The following KCNIP1 variants were observed in gnomAD, a reference collection of about 807,000 sequenced individuals.
The protein encoded by KCNIP1 is A-type potassium channel modulatory protein KCNIP1.
A neutral mutation model predicts 33.0 loss-of-function variants in KCNIP1; 18 were observed. The ratio of observed to expected loss-of-function variants is 0.55; its 90% CI spans 0.38 to 0.81. The LOEUF is 0.81. KCNIP1 is among the 30% of genes least tolerant of loss of function. KCNIP1 has a pLI of 0.00. For missense variants in KCNIP1, 238 were observed against 271.6 expected (o/e 0.88, Z 0.87); for synonymous variants, 93 against 98.3 (o/e 0.95, Z 0.32).
At chr5:170,385,059 C>A (rs1438090703) in intron 1 of KCNIP1, among the ~76,000 whole-genome samples, 3 of 152,168 alleles carry the variant, frequency 2.0e-5, no homozygotes, top group Non-Finnish European at 2.9e-5. Flanking sequence ...CTGAGAAGGG[C>A]ATCATGTGTC....
intron 1 of KCNIP1, among the ~76,000 whole-genome samples, chr5:170,398,860 G>A (rs944085511): frequency 6.6e-6 from 1 of 152,122 alleles, no homozygotes; most frequent in Non-Finnish European, 1.5e-5. Flanking sequence ...AGCCCTCTAA[G>A]GGCCCTTAGA....
chr5:170,428,167 A>G (rs899934592), intron 1 of KCNIP1, among the ~76,000 whole-genome samples: 28 of 152,174 alleles, frequency 1.8e-4, no homozygotes, highest in African/African-American at 6.8e-4. Flanking sequence ...TTTGCTCTAC[A>G]TAAGAAAAAA....
At chr5:170,496,539 A>G (rs1420410817) in intron 1 of KCNIP1, among the ~76,000 whole-genome samples, 5 of 152,190 alleles carry the variant, frequency 3.3e-5, no homozygotes, top group Admixed American at 6.5e-5. Context: ...ATTAAGTGAG[A>G]TCAGGCATGT....
chr5:170,620,800 A>G (rs1348083054), intron 1 of KCNIP1, among the ~76,000 whole-genome samples: 1 of 152,192 alleles, frequency 6.6e-6, no homozygotes, highest in East Asian at 1.9e-4. Context: ...ATGCAAATTC[A>G]TTTGCCTTAA....
At chr5:170,385,794 G>A (rs1025888140) in intron 1 of KCNIP1, among the ~76,000 whole-genome samples, 2 of 152,038 alleles carry the variant, frequency 1.3e-5, no homozygotes, top group African/African-American at 2.4e-5. Context: ...GTTACTTTAT[G>A]TGGCAATGAC....
chr5:170,569,263 G>A (rs899742149), intron 1 of KCNIP1, among the ~76,000 whole-genome samples: 1 of 152,276 alleles, frequency 6.6e-6, no homozygotes, highest in African/African-American at 2.4e-5. Flanking sequence ...TTCTGACCCA[G>A]GTCGATGGAG....
intron 5 of KCNIP1, among the ~76,000 whole-genome samples, chr5:170,730,540 A>G (rs1764159532): frequency 1.3e-5 from 2 of 152,208 alleles, no homozygotes; most frequent in Admixed American, 1.3e-4. Flanking sequence ...GATTAAAAAA[A>G]AATATCAGAC....
rs932187960 is a variant in KCNIP1 at position 170,703,890 on chromosome 5, C to T, written c.62-14868C>T. ...AGACATCACAGAGGGAGTGAGATACCGAAAACAAAAATAAAACAAAAATAA... is the reference window on the plus strand; with the variant it reads ...AGACATCACAGAGGGAGTGAGATACTGAAAACAAAAATAAAACAAAAATAA... On this transcript the variant is annotated intron_variant, in intron 1 of 7. Transcript: ENST00000328939. 2.9e-5 allele frequency among the ~76,000 whole-genome samples: 4 copies of T among 137,226 alleles called. 1 individual carries two copies. Among genetic ancestry groups the T allele is most frequent in the African/African-American group, 1.1e-4 (4 of 37,446 alleles). The allele number at this position is 137,226 out of a possible 152,430, so 90.0% of individuals were successfully genotyped here.
At chr5:170,379,554 G>C (rs1250220816) in intron 1 of KCNIP1, among the ~76,000 whole-genome samples, 1 of 152,150 alleles carries the variant, frequency 6.6e-6, no homozygotes. Context: ...GGCAGGGCCT[G>C]TCAATAGGGA....
rs977934182 is a variant in KCNIP1, at chr5:170,509,159, C to T, written c.61+4526C>T. Among the ~76,000 whole-genome samples, 94 of 152,250 alleles carry T rather than the reference C, an allele frequency of 6.2e-4. 1 individual carries two copies. Among genetic ancestry groups the T allele is most frequent in the African/African-American group, 2.2e-3 (90 of 41,546 alleles). ...TCTGCCAGGAATGAATTCTGTTGTT[C>T]GGTCTGCTGGCTTTGAATTGACTTT... On this transcript the variant is annotated intron_variant, in intron 1 of 7. Coordinates refer to ENST00000328939, the MANE Select transcript of KCNIP1 (RefSeq NM_014592.4).
chr5:170,377,916 A>G (rs57521796), intron 1 of KCNIP1: 26,650 of 152,014 alleles, frequency 0.18, 2,648 homozygotes, highest in South Asian at 0.29. Flanking sequence ...CCTGTCTCTG[A>G]CTGGAACCCA....
At chr5:170,589,570 G>A (rs978921659) in intron 1 of KCNIP1, among the ~76,000 whole-genome samples, 1 of 152,218 alleles carries the variant, frequency 6.6e-6, no homozygotes, top group African/African-American at 2.4e-5. Flanking sequence ...ACAAAGCAAA[G>A]TGAGGGATGG....
chr5:170,369,970 G>T (rs1398242742), intron 1 of KCNIP1, among the ~76,000 whole-genome samples: 1 of 152,144 alleles, frequency 6.6e-6, no homozygotes, highest in East Asian at 1.9e-4. Context: ...GGCCTCTGTG[G>T]GTAGGACCCT....
At chr5:170,652,498 A>AAAAGGAAGG (rs33995162) in intron 1 of KCNIP1, among the ~76,000 whole-genome samples, 5,373 of 102,714 alleles carry the variant, frequency 0.052, 179 homozygotes, top group Non-Finnish European at 0.076. Context: ...AAAAAAAAAA[A>AAAAGGAAGG]AAGGAAGGAA....
chr5:170,606,602 A>G lies in KCNIP1; in HGVS notation c.61+101969A>G, dbSNP rs527602032. Among the ~76,000 whole-genome samples the G allele has an allele frequency of 2.6e-5, 4 of 152,182 alleles. No homozygotes were observed. The East Asian group carries it at 7.7e-4, about 29-fold the overall frequency. ...GGTGGCCATCTCAAATGTTTTTTCC[A>G]TCTTCCAGGGCTGTGGACTGGGCAG... On this transcript the variant is annotated intron_variant, in intron 1 of 7. Coordinates refer to ENST00000328939, the MANE Select transcript of KCNIP1 (RefSeq NM_014592.4).
At chr5:170,464,513 A>G (rs181579151) in intron 1 of KCNIP1, among the ~76,000 whole-genome samples, 3 of 152,320 alleles carry the variant, frequency 2.0e-5, no homozygotes, top group African/African-American at 7.2e-5. Flanking sequence ...TATGGCAGTG[A>G]AAACATTGAA....
chr5:170,563,452 C>T lies in KCNIP1; in HGVS notation c.61+58819C>T, dbSNP rs1757103250. 2.0e-5 allele frequency among the ~76,000 whole-genome samples: 3 copies of T among 152,302 alleles called. No individual in the cohort carries two copies. The South Asian group carries it at 6.2e-4, about 32-fold the overall frequency. On this transcript the variant is annotated intron_variant, in intron 1 of 7. Transcript: ENST00000328939. ...CTTCCTCTCCCATCCTGTCCCCATA[C>T]CTCACTCTGTAGCCTGAGATTTCTA...
chr5:170,456,063 T>C (rs561982348), intron 1 of KCNIP1, among the ~76,000 whole-genome samples: 1 of 152,318 alleles, frequency 6.6e-6, no homozygotes, highest in African/African-American at 2.4e-5. Context: ...CCAACCCAAA[T>C]GCCCATCAAT....
chr5:170,622,549 G>A (rs1759643643), intron 1 of KCNIP1, among the ~76,000 whole-genome samples: 1 of 151,420 alleles, frequency 6.6e-6, no homozygotes, highest in South Asian at 2.1e-4. Context: ...TTGAACCCAG[G>A]AGGCAGAGGT....
Sources: gnomAD v4.1 joint callset for allele counts (sites outside exome capture counted in the v4.1 genomes callset) on GRCh38, gnomAD v4.1.1 for gene constraint, MANE v1.5 for transcripts, NCBI Gene and HGNC (gene_info 2026-07-23, HGNC 2026-07-21) for gene names.